POT1: variants seen among roughly 807,000 people sequenced by gnomAD.
POT1 encodes protection of telomeres 1.
POT1 carries 47 observed loss-of-function variants against 78.5 expected under a neutral mutation model. The ratio of observed to expected loss-of-function variants is 0.60; its 90% CI spans 0.47 to 0.76. The LOEUF is 0.76. POT1 is among the 30% of genes least tolerant of loss of function. POT1 has a pLI of 0.00. For synonymous variants in POT1, 259 were observed against 260.7 expected, an observed-to-expected ratio of 0.99 and a Z score of 0.06; for missense variants, 646 against 749.9, an observed-to-expected ratio of 0.86 and a Z score of 1.62.
At chr7:124,901,247 C>A (rs1383707023) in intron 3 of POT1, among the ~76,000 whole-genome samples, 2 of 152,164 alleles carry the variant, frequency 1.3e-5, no homozygotes, top group Non-Finnish European at 2.9e-5. Flanking sequence ...AGACACCTTC[C>A]AGTAGGGGCC....
intron 7 of POT1, among the ~76,000 whole-genome samples, chr7:124,864,309 G>T (rs577349284): frequency 1.3e-5 from 2 of 151,838 alleles, no homozygotes; most frequent in South Asian, 4.2e-4. Context: ...ACTTGTTTAG[G>T]TCTTCATATT....
chr7:124,828,993 A>G, intron 16 of POT1: 1 of 673,204 alleles, frequency 1.5e-6, no homozygotes, highest in Non-Finnish European at 2.8e-6. Context: ...AAGCACTGGT[A>G]AAGTGGAATG....
intron 6 of POT1, among the ~76,000 whole-genome samples, chr7:124,878,152 G>A (rs1796034849): frequency 6.6e-6 from 1 of 152,060 alleles, no homozygotes; most frequent in African/African-American, 2.4e-5. Context: ...CCAACATGGC[G>A]AAATCTCATC....
Position 124,857,245 on chromosome 7 carries a change from G to C in POT1, c.702+1712C>G, listed in dbSNP as rs369216785. Among the ~76,000 whole-genome samples, 7 of 152,184 alleles carry C rather than the reference G, an allele frequency of 4.6e-5. No individual in the cohort carries two copies. In the East Asian group the frequency reaches 1.3e-3, roughly 29 times the overall value. On this transcript the variant is annotated intron_variant, in intron 9 of 18. Transcript: ENST00000357628. ...TATAAGTAGGCTAGAAGATATTTGTGATGGAGATCACTTCCATTTAATGCT... is the reference window on the plus strand; with the variant it reads ...TATAAGTAGGCTAGAAGATATTTGTCATGGAGATCACTTCCATTTAATGCT...
chr7:124,833,231 T>C (rs976004685), intron 15 of POT1, among the ~76,000 whole-genome samples: 1 of 152,156 alleles, frequency 6.6e-6, no homozygotes, highest in Non-Finnish European at 1.5e-5. Flanking sequence ...ACACTTTCGC[T>C]TTATGGCTAA....
chr7:124,889,568 T>C (rs56321835), intron 6 of POT1, among the ~76,000 whole-genome samples: 30,354 of 151,960 alleles, frequency 0.2, 3,766 homozygotes, highest in East Asian at 0.3. Flanking sequence ...TTCACAACTA[T>C]GGAGAAGTCA....
chr7:124,910,690 A>C (rs779239744), intron 3 of POT1, among the ~76,000 whole-genome samples: 1 of 152,016 alleles, frequency 6.6e-6, no homozygotes, highest in Non-Finnish European at 1.5e-5. Context: ...CAGAAAAATA[A>C]GTTATTTAAT....
At chr7:124,920,349 C>T (rs1163893424) in intron 2 of POT1, among the ~76,000 whole-genome samples, 1 of 151,968 alleles carries the variant, frequency 6.6e-6, no homozygotes, top group Non-Finnish European at 1.5e-5. Context: ...TGTATAATGC[C>T]ATTTATATGA....
At chr7:124,903,581 T>C (rs1398551616) in intron 3 of POT1, among the ~76,000 whole-genome samples, 7 of 152,048 alleles carry the variant, frequency 4.6e-5, no homozygotes, top group Admixed American at 4.6e-4. Context: ...AAGAAAGATC[T>C]AAAATGGACA....
chr7:124,856,388 C>T (rs911194411), intron 9 of POT1, among the ~76,000 whole-genome samples: 2 of 152,112 alleles, frequency 1.3e-5, no homozygotes, highest in Admixed American at 6.5e-5. Context: ...TTTCATATTG[C>T]ATTGCAGACA....
At chr7:124,889,188 GC>G (rs1195166474) in intron 6 of POT1, among the ~76,000 whole-genome samples, 1 of 152,050 alleles carries the variant, frequency 6.6e-6, no homozygotes, top group East Asian at 1.9e-4. Flanking sequence ...AAGTCAAAGA[GC>G]CTTATGGCTG....
At chr7:124,833,743 T>C (rs1385495489) in intron 15 of POT1, among the ~76,000 whole-genome samples, 1 of 152,198 alleles carries the variant, frequency 6.6e-6, no homozygotes, top group East Asian at 1.9e-4. Context: ...GGCTGAGGAA[T>C]CAAAAGACAG....
At chr7:124,867,862 G>C (rs923327833) in intron 7 of POT1, among the ~76,000 whole-genome samples, 6 of 151,942 alleles carry the variant, frequency 3.9e-5, no homozygotes, top group Admixed American at 3.3e-4. Flanking sequence ...TGGCCAGGCT[G>C]GTCTTGAACT....
chr7:124,906,274 T>C (rs1796762792), intron 3 of POT1, among the ~76,000 whole-genome samples: 1 of 151,970 alleles, frequency 6.6e-6, no homozygotes, highest in African/African-American at 2.4e-5. Flanking sequence ...ATTAAGAAAA[T>C]GTGGCACATA....
chr7:124,856,504 A>C (rs189094191), intron 9 of POT1, among the ~76,000 whole-genome samples: 1 of 152,330 alleles, frequency 6.6e-6, no homozygotes, highest in Admixed American at 6.5e-5. Flanking sequence ...AGCAGAACAT[A>C]AAAAAGGAGA....
intron 2 of POT1, among the ~76,000 whole-genome samples, chr7:124,928,230 TTCCTC>T (rs1382099712): frequency 6.6e-6 from 1 of 152,182 alleles, no homozygotes; most frequent in African/African-American, 2.4e-5. Flanking sequence ...CTAAACATCT[TTCCTC>T]TAATCTTGCA....
intron 3 of POT1, among the ~76,000 whole-genome samples, chr7:124,907,354 G>C (rs1416751895): frequency 6.6e-6 from 1 of 151,984 alleles, no homozygotes; most frequent in Non-Finnish European, 1.5e-5. Flanking sequence ...ACCAGTCTCA[G>C]AGAAGAAAAA....
intron 11 of POT1, among the ~76,000 whole-genome samples, chr7:124,849,639 G>A (rs1795256248): frequency 1.3e-5 from 2 of 152,198 alleles, no homozygotes; most frequent in African/African-American, 2.4e-5. Flanking sequence ...TTGTGGAGAA[G>A]TAAAAACATG....
intron 15 of POT1, among the ~76,000 whole-genome samples, chr7:124,833,562 A>T (rs938690164): frequency 4.6e-5 from 7 of 152,172 alleles, no homozygotes; most frequent in Admixed American, 1.3e-4. Flanking sequence ...TATAGCTCCT[A>T]ATGAATTCTT....
Sources: allele counts gnomAD v4.1 joint callset (sites outside exome capture counted in the v4.1 genomes callset), GRCh38; gene constraint gnomAD v4.1.1; transcripts MANE v1.5; gene names NCBI Gene and HGNC (gene_info 2026-07-23, HGNC 2026-07-21).